SYT9: variants seen among roughly 807,000 people sequenced by gnomAD.
SYT9 encodes the protein synaptotagmin 9, also known as synaptotagmin-9.
Under a neutral mutation model 48.4 loss-of-function variants are expected in SYT9, and 22 were observed. The ratio of observed to expected loss-of-function variants is 0.45; its 90% CI spans 0.32 to 0.65. The LOEUF is 0.65. Ranked by LOEUF, SYT9 falls within the 30% of genes least tolerant of loss-of-function variation. SYT9 has a pLI of 0.03. For missense variants in SYT9, 577 were observed against 622.0 expected, an observed-to-expected ratio of 0.93 and a Z score of 0.77; for synonymous variants, 265 against 245.0, an observed-to-expected ratio of 1.08 and a Z score of -0.76.
chr11:7,465,379 G>A (rs1848312888), intron 6 of SYT9, among the ~76,000 whole-genome samples: 1 of 152,196 alleles, frequency 6.6e-6, no homozygotes, highest in African/African-American at 2.4e-5. Context: ...CTGAAATGAA[G>A]TCCATAAATT....
At chr11:7,416,988 A>C (rs12790512) in intron 4 of SYT9, among the ~76,000 whole-genome samples, 4,878 of 151,912 alleles carry the variant, frequency 0.032, 147 homozygotes, top group East Asian at 0.16. Context: ...TAAATTCTGA[A>C]CTCTAACAAG....
At chr11:7,368,352 T>G (rs1850290474) in intron 3 of SYT9, among the ~76,000 whole-genome samples, 1 of 152,330 alleles carries the variant, frequency 6.6e-6, no homozygotes, top group South Asian at 2.1e-4. Context: ...GGGGTTTTGT[T>G]GTTGTTGTTG....
chr11:7,423,653 G>A (rs1043730718), intron 6 of SYT9, among the ~76,000 whole-genome samples: 1 of 152,126 alleles, frequency 6.6e-6, no homozygotes, highest in Non-Finnish European at 1.5e-5. Context: ...ATTCTGAGGG[G>A]CTGCTGTGTG....
At chr11:7,420,360 C>G in intron 5 of SYT9, 146 bp from the exon 6 acceptor site, 1 of 1,038,884 alleles carries the variant, frequency 9.6e-7, no homozygotes, top group Non-Finnish European at 1.4e-6. Flanking sequence ...GAAGCTTAGC[C>G]TGTAGTTTTA....
At chr11:7,294,088 C>T (rs1336184375) in intron 1 of SYT9, among the ~76,000 whole-genome samples, 1 of 152,200 alleles carries the variant, frequency 6.6e-6, no homozygotes, top group Non-Finnish European at 1.5e-5. Context: ...TCTGTGTCCT[C>T]ATATGGTGGA....
chr11:7,320,362 C>G (rs7130161), intron 3 of SYT9, among the ~76,000 whole-genome samples: 53,659 of 152,036 alleles, frequency 0.35, 10,595 homozygotes, highest in East Asian at 0.83. Flanking sequence ...TCAGAGAACT[C>G]TTTTTCTGAG....
At chr11:7,407,149 T>A (rs569291064) in intron 3 of SYT9, among the ~76,000 whole-genome samples, 52 of 152,096 alleles carry the variant, frequency 3.4e-4, no homozygotes, top group Non-Finnish European at 6.9e-4. Flanking sequence ...TTCAACACAT[T>A]TTCTCCTCAC....
intron 3 of SYT9, among the ~76,000 whole-genome samples, chr11:7,409,286 G>A (rs569454894): frequency 7.9e-5 from 12 of 152,106 alleles, no homozygotes; most frequent in Non-Finnish European, 1.8e-4. Flanking sequence ...TTTGATGTGT[G>A]TTGGATTTGA....
chr11:7,334,882 T>C (rs987818133), intron 3 of SYT9, among the ~76,000 whole-genome samples: 2 of 152,244 alleles, frequency 1.3e-5, no homozygotes, highest in African/African-American at 2.4e-5. Flanking sequence ...CCCTTGCCTA[T>C]TAATGAACAT....
At chr11:7,273,659 T>G (rs1185224305) in intron 1 of SYT9, among the ~76,000 whole-genome samples, 1 of 151,878 alleles carries the variant, frequency 6.6e-6, no homozygotes, top group Non-Finnish European at 1.5e-5. Flanking sequence ...TTGGGGTGAG[T>G]GATAAGTAAG....
At chr11:7,347,056 A>ATCAGGG (rs1268874797) in intron 3 of SYT9, among the ~76,000 whole-genome samples, 1 of 152,152 alleles carries the variant, frequency 6.6e-6, no homozygotes, top group East Asian at 1.9e-4. Context: ...GTTTGCTGAG[A>ATCAGGG]TCAGGGCTTC....
chr11:7,280,248 G>A (rs1848469680), intron 1 of SYT9, among the ~76,000 whole-genome samples: 1 of 152,076 alleles, frequency 6.6e-6, no homozygotes, highest in Non-Finnish European at 1.5e-5. Context: ...CTTGATTTTT[G>A]TCAAACTCCT....
chr11:7,377,609 A>G (rs1850477790), intron 3 of SYT9, among the ~76,000 whole-genome samples: 1 of 152,150 alleles, frequency 6.6e-6, no homozygotes, highest in Admixed American at 6.6e-5. Flanking sequence ...CTGCTGATAA[A>G]AGGTGAGAGG....
At chr11:7,446,837 C>G (rs1847942738) in intron 6 of SYT9, among the ~76,000 whole-genome samples, 2 of 152,220 alleles carry the variant, frequency 1.3e-5, no homozygotes, top group African/African-American at 4.8e-5. Context: ...ACTTTGGTCC[C>G]TGGTCAGCTC....
intron 3 of SYT9, among the ~76,000 whole-genome samples, chr11:7,411,278 G>C (rs1847132589): frequency 6.6e-6 from 1 of 152,090 alleles, no homozygotes; most frequent in Non-Finnish European, 1.5e-5. Flanking sequence ...GTTGTTTTCT[G>C]TAGTTGTACC....
In SYT9 at chr11:7,363,059, T is replaced by C. The variant is rs1294658108; in HGVS notation, c.1044+49118T>C. Among the ~76,000 whole-genome samples the C allele has an allele frequency of 4.3e-4, 61 of 140,470 alleles. No individual in the cohort carries two copies. The Admixed American group carries it at 4.7e-3, about 11-fold the overall frequency. The allele number at this position is 140,470 out of a possible 152,430, so 92.2% of individuals were successfully genotyped here. On this transcript the variant is annotated intron_variant, in intron 3 of 6. Coordinates refer to ENST00000318881, the MANE Select transcript of SYT9 (RefSeq NM_175733.4). ...ACCTTTCTTTTGCTCTTCTCAAACATTCCATGAGTCACCAGTGTCTGTAAA... is the reference window on the plus strand; with the variant it reads ...ACCTTTCTTTTGCTCTTCTCAAACACTCCATGAGTCACCAGTGTCTGTAAA...
chr11:7,298,170 C>T (rs895246928), intron 1 of SYT9, among the ~76,000 whole-genome samples: 4 of 152,128 alleles, frequency 2.6e-5, no homozygotes, highest in Non-Finnish European at 5.9e-5. Flanking sequence ...CTCTACATAT[C>T]ATATCTTTCA....
intron 1 of SYT9, among the ~76,000 whole-genome samples, chr11:7,246,565 T>C (rs945270324): frequency 6.6e-6 from 1 of 152,184 alleles, no homozygotes; most frequent in East Asian, 1.9e-4. Flanking sequence ...TCTACTATAA[T>C]TGCAGAAGAA....
chr11:7,252,178 G>A lies in SYT9; in HGVS notation c.-9G>A. The stretch of plus-strand genomic sequence containing the variant: ...CCTGCCCGGCGCGGTCCGAGGATGC[G>A]GGGGGGCGATGCCCGGGGCCAGGGA... On this transcript the variant is annotated 5_prime_UTR_variant, in exon 1 of 7. Transcript: ENST00000318881. The surrounding 1 kb of genome is among the most constrained non-coding windows in gnomAD (Gnocchi z 6.3). The A allele has an allele frequency of 7.0e-7, 1 of 1,435,406 alleles. No homozygotes were observed. The highest frequency in any genetic ancestry group is 9.1e-7 in the Non-Finnish European group (1 of 1,096,360). 88.9% of individuals were successfully genotyped at this position (1,435,406 alleles called of 1,614,324 possible).
Sources: allele counts gnomAD v4.1 joint callset (sites outside exome capture counted in the v4.1 genomes callset), GRCh38; gene constraint gnomAD v4.1.1; non-coding constraint Gnocchi (gnomAD v3.1); transcripts MANE v1.5; gene names NCBI Gene and HGNC (gene_info 2026-07-23, HGNC 2026-07-21).